The following DNAH1 variants were observed in gnomAD, a reference collection of about 807,000 sequenced individuals.
DNAH1 encodes dynein axonemal heavy chain 1, also known as axonemal beta dynein heavy chain 1.
A neutral mutation model predicts 484.3 loss-of-function variants in DNAH1; 327 were observed. That is an observed-to-expected ratio of 0.68 (90% CI 0.62 to 0.74). The LOEUF is 0.74. Ranked by LOEUF, DNAH1 falls within the 30% of genes least tolerant of loss-of-function variation. The pLI is 0.00. For missense variants in DNAH1, 5,052 were observed against 5,546.8 expected (o/e 0.91, Z 2.83); for synonymous variants, 2,192 against 2,191.9 (o/e 1.00, Z 0.00).
In DNAH1 at chr3:52,344,614, C is replaced by T. The variant is rs1321380057; in HGVS notation, c.1411C>T (p.Pro471Ser). ...CGAGACCTTCTCCTACGTCACCCTC[C>T]CCAAGAAGGAGGAGGAGCAGGTGCC... ...KPETFSYVTL[P>S]KKEEEQVPER... The change falls in exon 9 of 78, where the codon CCC becomes TCC. Residue 471 changes from proline (P) to serine (S), a missense_variant. Pro to Ser is a moderately conservative substitution (Grantham distance 74). Coordinates refer to ENST00000420323, the MANE Select transcript of DNAH1 (RefSeq NM_015512.5). 1.9e-6 allele frequency: 3 copies of T among 1,613,770 alleles called. No individual in the cohort carries two copies. The African/African-American group carries it at 4.0e-5, about 22-fold the overall frequency.
chr3:52,380,204 C>T, intron 48 of DNAH1, 69 bp downstream of exon 48: 1 of 1,372,956 alleles, frequency 7.3e-7, no homozygotes, highest in Non-Finnish European at 1.0e-6. Flanking sequence ...GGGGCCCAGG[C>T]CCCCTGCAGT....
In DNAH1 at chr3:52,327,934, T is replaced by G; in HGVS notation, c.791T>G (p.Met264Arg). 6.2e-7 allele frequency: 1 copy of G among 1,613,994 alleles called. No individual in the cohort carries two copies. The highest frequency in any genetic ancestry group is 8.5e-7 in the Non-Finnish European group (1 of 1,179,840). Residue 264 changes from methionine to arginine, a missense_variant, in exon 6 of 78, where the codon ATG (methionine) becomes AGG (arginine). Physicochemically the swap from Met to Arg is moderately conservative, Grantham distance 91. Transcript: ENST00000420323. Reference protein sequence around the residue: ...DCRTPREWINMGLEPGSLDRK... With the variant: ...DCRTPREWINRGLEPGSLDRK... Reference sequence around the variant, plus strand: ...CGGACTCCCAGAGAGTGGATCAACATGGGCTTGGAGCCAGGGTCTCTGGAC... The same window carrying G: ...CGGACTCCCAGAGAGTGGATCAACAGGGGCTTGGAGCCAGGGTCTCTGGAC...
rs1703516891 is a variant in DNAH1 at position 52,374,918 on chromosome 3, A to G, written c.6986-322A>G. The G allele has an allele frequency of 5.0e-6, 4 of 804,720 alleles. No homozygotes were observed. In the South Asian group the frequency reaches 5.7e-5, roughly 11 times the overall value. The allele number at this position is 804,720 out of a possible 1,614,324, so 49.8% of individuals were successfully genotyped here. A position where few individuals can be genotyped will look rare whatever the true frequency, so the allele number is the denominator to read the frequency against. On this transcript the variant is annotated intron_variant, in intron 44 of 77. Transcript: ENST00000420323. The stretch of plus-strand genomic sequence containing the variant: ...AAACGAGAGTGACATGAAAACGTCC[A>G]GGGTTACTTGAAATGTTTTTATAAG...
In DNAH1 at chr3:52,396,523, C is replaced by A; in HGVS notation, c.11415C>A (p.Leu3805=). Reference sequence around the variant, plus strand: ...ATAGTAGCCTTGGTGAAGACTTCCTCAACTCCTGCCACAAGGTGAGGCACA... The same window carrying A: ...ATAGTAGCCTTGGTGAAGACTTCCTAAACTCCTGCCACAAGGTGAGGCACA... ...KSYSSLGEDF[L]NSCHKVMEFK... is the part of the protein sequence containing the mutation. The change falls in exon 71 of 78, where the codon CTC becomes CTA. Residue 3805 remains leucine, a synonymous_variant. Coordinates refer to ENST00000420323, the MANE Select transcript of DNAH1 (RefSeq NM_015512.5). 6.2e-7 allele frequency: 1 copy of A among 1,611,958 alleles called. No individual in the cohort carries two copies. The highest frequency in any genetic ancestry group is 8.5e-7 in the Non-Finnish European group (1 of 1,179,076).
intron 1 of DNAH1, among the ~76,000 whole-genome samples, chr3:52,320,468 G>T (rs773876330): frequency 1.3e-5 from 2 of 152,188 alleles, no homozygotes; most frequent in African/African-American, 2.4e-5. Context: ...GCCCTCAGGC[G>T]CCCTGACAAC....
upstream of DNAH1, among the ~76,000 whole-genome samples, chr3:52,314,721 C>T (rs1457969781): frequency 6.6e-6 from 1 of 152,106 alleles, no homozygotes; most frequent in Non-Finnish European, 1.5e-5. Context: ...CCTCTGGGGC[C>T]CTGAGGAGAG....
chr3:52,317,336 TGTC>T (rs1186689028), intron 1 of DNAH1, among the ~76,000 whole-genome samples: 1 of 151,774 alleles, frequency 6.6e-6, no homozygotes, highest in Non-Finnish European at 1.5e-5. Flanking sequence ...AGCCGAGGGG[TGTC>T]GGGCGCATCC....
intron 22 of DNAH1, 149 bp downstream of exon 22, chr3:52,356,927 G>A: frequency 9.7e-7 from 1 of 1,032,986 alleles, no homozygotes. Flanking sequence ...CTCCAGAGTG[G>A]GCTCCCCAGC....
chr3:52,325,294 C>T (rs1701296648), intron 3 of DNAH1, among the ~76,000 whole-genome samples: 2 of 152,126 alleles, frequency 1.3e-5, no homozygotes, highest in South Asian at 2.1e-4. Context: ...CTCTTGGTCC[C>T]AGGGAGGCAG....
Position 52,395,077 on chromosome 3 carries a change from G to A in DNAH1, c.10968+18G>A, listed in dbSNP as rs1704560806. On this transcript the variant is annotated intron_variant, in intron 68 of 77. Coordinates refer to ENST00000420323, the MANE Select transcript of DNAH1 (RefSeq NM_015512.5). The surrounding 1 kb of genome is among the most constrained non-coding windows in gnomAD (Gnocchi z 4.4). The stretch of plus-strand genomic sequence containing the variant: ...AACCCCAGGCAAGTGCTGGAACCCT[G>A]GCAGGACTGGCACCTTGAGCTTGTC... 1 of 1,599,546 alleles carries A rather than the reference G, an allele frequency of 6.3e-7. No homozygotes were observed. Among genetic ancestry groups the A allele is most frequent in the African/African-American group, 1.3e-5 (1 of 74,608 alleles).
intron 60 of DNAH1, 127 bp downstream of exon 60, chr3:52,389,713 C>T: frequency 3.6e-6 from 4 of 1,118,188 alleles, no homozygotes; most frequent in Non-Finnish European, 4.6e-6. Context: ...CTGCTGAACC[C>T]TCCTGTGCCC....
chr3:52,347,237 C>T (rs115200865), intron 11 of DNAH1, among the ~76,000 whole-genome samples: 2 of 151,112 alleles, frequency 1.3e-5, no homozygotes, highest in Non-Finnish European at 3.0e-5. Flanking sequence ...GAGGCAGGTA[C>T]AGGCGGAGAG....
In DNAH1 at chr3:52,360,377, G is replaced by A. The variant is rs1234168738; in HGVS notation, c.4638G>A (p.Glu1546=). The change falls in exon 28 of 78, where the codon GAG becomes GAA. Residue 1546 remains glutamate (E), a synonymous_variant. Coordinates refer to ENST00000420323, the MANE Select transcript of DNAH1 (RefSeq NM_015512.5). ...ATGCTGAGTTCATCTATGGCTATGA[G>A]TACCTGGGCAACAGTGGGAGGCTGG... ...AVNAEFIYGY[E]YLGNSGRLVI... 5.6e-6 allele frequency: 9 copies of A among 1,613,884 alleles called. No individual in the cohort carries two copies. Among genetic ancestry groups the A allele is most frequent in the South Asian group, 2.2e-5 (2 of 91,092 alleles).
chr3:52,317,337 G>T (rs1446526627), intron 1 of DNAH1, among the ~76,000 whole-genome samples: 1 of 152,136 alleles, frequency 6.6e-6, no homozygotes, highest in Non-Finnish European at 1.5e-5. Context: ...GCCGAGGGGT[G>T]TCGGGCGCAT....
chr3:52,361,230 C>T lies in DNAH1; in HGVS notation c.4752C>T (p.Gly1584=), dbSNP rs1283361820. The T allele has an allele frequency of 6.2e-7, 1 of 1,612,892 alleles. No homozygotes were observed. The highest frequency in any genetic ancestry group is 2.2e-5 in the East Asian group (1 of 44,860). ...KFGGAPAGPA[G]TGKTETTKDL... ...GGGGTGCCCCAGCTGGCCCAGCTGGCACAGGCAAAACTGAGACCACCAAAG... is the reference window on the plus strand; with the variant it reads ...GGGGTGCCCCAGCTGGCCCAGCTGGTACAGGCAAAACTGAGACCACCAAAG... The change falls in exon 29 of 78, where the codon GGC becomes GGT. Residue 1584 remains glycine (G), a synonymous_variant. Transcript: ENST00000420323. This position sits in a 1 kb window ranked among gnomAD's most constrained non-coding sequence, Gnocchi z 5.6.
intron 6 of DNAH1, among the ~76,000 whole-genome samples, chr3:52,328,426 C>A (rs1309358618): frequency 6.6e-6 from 1 of 152,160 alleles, no homozygotes; most frequent in Non-Finnish European, 1.5e-5. Flanking sequence ...CACACACTTG[C>A]TCACAAACAC....
intron 46 of DNAH1, among the ~76,000 whole-genome samples, chr3:52,377,146 C>G (rs1006668846): frequency 6.6e-6 from 1 of 152,186 alleles, no homozygotes; most frequent in African/African-American, 2.4e-5. Flanking sequence ...TCCACATCTT[C>G]CCTGGGATGT....
intron 46 of DNAH1, among the ~76,000 whole-genome samples, chr3:52,376,331 G>A (rs964082518): frequency 6.6e-6 from 1 of 152,254 alleles, no homozygotes; most frequent in Non-Finnish European, 1.5e-5. Flanking sequence ...GCACAGGAAA[G>A]CCGGGAGTGG....
At position 52,383,599 on chromosome 3, in the gene DNAH1, A is replaced by G. The variant is rs1703958516; in HGVS notation, c.8150+5A>G. On this transcript the variant is annotated splice_donor_5th_base_variant and intron_variant, in intron 51 of 77. Coordinates refer to ENST00000420323, the MANE Select transcript of DNAH1 (RefSeq NM_015512.5). ...CCACATGGTGCTGTGCATGAGGTACAGGCAGCTGTCGCCAGGCTGCGCTGG... is the reference window on the plus strand; with the variant it reads ...CCACATGGTGCTGTGCATGAGGTACGGGCAGCTGTCGCCAGGCTGCGCTGG... 3 of 1,566,742 alleles carry G rather than the reference A, an allele frequency of 1.9e-6. No homozygotes were observed. The highest frequency in any genetic ancestry group is 2.4e-5 in the East Asian group (1 of 42,552).
Sources: gnomAD v4.1 joint callset for allele counts (sites outside exome capture counted in the v4.1 genomes callset) on GRCh38, gnomAD v4.1.1 for gene constraint, Gnocchi (gnomAD v3.1) non-coding constraint, MANE v1.5 for transcripts, NCBI Gene and HGNC (gene_info 2026-07-23, HGNC 2026-07-21) for gene names.